The following CCDC18 variants were observed in gnomAD, a reference collection of about 807,000 sequenced individuals.
CCDC18 encodes coiled-coil domain containing 18.
Under a neutral mutation model 196.0 loss-of-function variants are expected in CCDC18, and 157 were observed. The observed-to-expected ratio is 0.80, with a 90% CI of 0.70 to 0.91. The LOEUF (loss-of-function observed/expected upper bound fraction) is 0.91, where lower values mean the gene tolerates loss of function less well. CCDC18 is among the 40% of genes least tolerant of loss of function. CCDC18 has a pLI of 0.00. For synonymous variants in CCDC18, 482 were observed against 529.2 expected (o/e 0.91, Z 1.22); for missense variants, 1,465 against 1,611.6 (o/e 0.91, Z 1.56).
chr1:93,214,029 C>T (rs545814869), intron 11 of CCDC18, among the ~76,000 whole-genome samples: 12 of 152,228 alleles, frequency 7.9e-5, no homozygotes, highest in African/African-American at 2.6e-4. Context: ...GCTTACTTAC[C>T]TTGGAGTGGG....
At chr1:93,240,975 A>G (rs566219601) in intron 21 of CCDC18, among the ~76,000 whole-genome samples, 4 of 151,672 alleles carry the variant, frequency 2.6e-5, no homozygotes, top group Non-Finnish European at 2.9e-5. Flanking sequence ...ATATATATAT[A>G]TTTTTTTTCA....
At chr1:93,244,234 TCA>T (rs1429257858) in intron 21 of CCDC18, among the ~76,000 whole-genome samples, 5 of 152,184 alleles carry the variant, frequency 3.3e-5, no homozygotes. Context: ...TGAGACTTAT[TCA>T]CTGTCACAAG....
chr1:93,234,791 G>GTTTTGTT (rs1553178176), intron 18 of CCDC18, among the ~76,000 whole-genome samples: 2 of 151,194 alleles, frequency 1.3e-5, no homozygotes, highest in African/African-American at 4.9e-5. Context: ...TTCTTGTTTT[G>GTTTTGTT]TTTTGTTTTG....
At chr1:93,273,428 T>C (rs555147240) in intron 28 of CCDC18, 71 of 152,326 alleles carry the variant, frequency 4.7e-4, no homozygotes, top group African/African-American at 1.7e-3. Flanking sequence ...CACAGTAAGA[T>C]ATTGGATATT....
At chr1:93,183,146 A>C (rs191572790) in intron 1 of CCDC18, among the ~76,000 whole-genome samples, 1 of 152,272 alleles carries the variant, frequency 6.6e-6, no homozygotes, top group East Asian at 1.9e-4. Flanking sequence ...AAAATGAAAA[A>C]TTCATTCATT....
chr1:93,197,256 A>G (rs1652873710), intron 6 of CCDC18, among the ~76,000 whole-genome samples: 1 of 152,188 alleles, frequency 6.6e-6, no homozygotes, highest in Admixed American at 6.5e-5. Context: ...GGTTATTTTC[A>G]CAATGAACAA....
chr1:93,254,450 G>T (rs2101059527), intron 23 of CCDC18, 21 bp from the exon 24 acceptor site: 1 of 1,517,180 alleles, frequency 6.6e-7, no homozygotes, highest in South Asian at 1.2e-5. Context: ...TACTGATACT[G>T]CTTATCTGTT....
Position 93,217,801 on chromosome 1 carries a change from T to G in CCDC18, c.1894T>G (p.Leu632Val). The change falls in exon 14 of 29, where the codon TTA becomes GTA. Residue 632 changes from leucine (L) to valine (V), a missense_variant. Physicochemically the swap from Leu to Val is conservative, Grantham distance 32. Coordinates refer to ENST00000690025, the MANE Select transcript of CCDC18 (RefSeq NM_001378204.1). ...NINTEHEKICLAFEKAKKIHL... is the reference protein window; with the variant it reads ...NINTEHEKICVAFEKAKKIHL... ...TAATACAGAGCATGAGAAAATTTGTTTAGCCTTTGAAAAAGCAAAGAAAAT... is the reference window on the plus strand; with the variant it reads ...TAATACAGAGCATGAGAAAATTTGTGTAGCCTTTGAAAAAGCAAAGAAAAT... 1 of 1,611,918 alleles carries G rather than the reference T, an allele frequency of 6.2e-7. No homozygotes were observed. Among genetic ancestry groups the G allele is most frequent in the South Asian group, 1.1e-5 (1 of 91,028 alleles).
intron 4 of CCDC18, chr1:93,190,850 C>T: frequency 1.4e-6 from 1 of 725,446 alleles, no homozygotes; most frequent in Non-Finnish European, 2.5e-6. Flanking sequence ...TCAGTGCACT[C>T]AAGCCTTAGC....
intron 4 of CCDC18, chr1:93,190,899 C>T: frequency 1.3e-6 from 1 of 741,398 alleles, no homozygotes; most frequent in Non-Finnish European, 2.4e-6. Flanking sequence ...TCTGGAAAAT[C>T]TACTTAGTCT....
At chr1:93,212,970 G>A (rs1208538866) in intron 11 of CCDC18, among the ~76,000 whole-genome samples, 2 of 152,162 alleles carry the variant, frequency 1.3e-5, no homozygotes, top group Non-Finnish European at 2.9e-5. Context: ...GGCAGACAGT[G>A]ACAGATCATC....
In CCDC18 at chr1:93,221,934, A is replaced by G; in HGVS notation, c.2173A>G (p.Lys725Glu). The G allele has an allele frequency of 2.6e-6, 4 of 1,566,696 alleles. No individual in the cohort carries two copies. Among genetic ancestry groups the G allele is most frequent in the Non-Finnish European group, 3.5e-6 (4 of 1,149,144 alleles). The change falls in exon 16 of 29, where the codon AAG (lysine) becomes GAG (glutamate). Residue 725 changes from lysine to glutamate, a missense_variant and splice_region_variant. Transcript: ENST00000690025. The part of the protein sequence containing the change: ...LQNQVSEETI[K>E]VRQLDSALEI... ...GAACCAAGTATCTGAAGAAACAATC[A>G]AGGCTAGTATGCTAATACTTTATTT... is the stretch of plus-strand genomic sequence containing the variant.
chr1:93,212,024 A>C (rs1655730188), intron 10 of CCDC18, 77 bp from the exon 11 acceptor site: 3 of 1,248,558 alleles, frequency 2.4e-6, no homozygotes, highest in Non-Finnish European at 3.4e-6. Flanking sequence ...ATCAACTTGA[A>C]AGGTGAAAAA....
At chr1:93,215,127 C>A (rs567482530) in intron 12 of CCDC18, among the ~76,000 whole-genome samples, 161 bp downstream of exon 12, 121 of 152,086 alleles carry the variant, frequency 8.0e-4, no homozygotes, top group Non-Finnish European at 1.6e-3. Flanking sequence ...TATTTGGAAA[C>A]CTTTGTATTT....
At chr1:93,187,228 C>T (rs7517363) in intron 4 of CCDC18, among the ~76,000 whole-genome samples, 75,052 of 151,602 alleles carry the variant, frequency 0.5, 22,185 homozygotes, top group South Asian at 0.68. Flanking sequence ...GGCAAATATA[C>T]TAGTACTAAG....
upstream of CCDC18, chr1:93,180,212 CGGGGAA>C: frequency 6.2e-7 from 1 of 1,612,608 alleles, no homozygotes; most frequent in Non-Finnish European, 8.5e-7. Flanking sequence ...AGAAGGAGCA[CGGGGAA>C]GGGCAGCCAG....
chr1:93,190,709 A>C, intron 4 of CCDC18: 1 of 374,582 alleles, frequency 2.7e-6, no homozygotes. Context: ...TCAAGATTTT[A>C]TTGTCTTCAT....
At chr1:93,247,902 T>TA (rs1348531142) in intron 23 of CCDC18, among the ~76,000 whole-genome samples, 2 of 152,116 alleles carry the variant, frequency 1.3e-5, no homozygotes, top group Non-Finnish European at 2.9e-5. Flanking sequence ...AAAGTGGGCA[T>TA]ACTTGTCTTG....
At chr1:93,190,418 C>T (rs1001569305) in intron 4 of CCDC18, among the ~76,000 whole-genome samples, 3 of 152,106 alleles carry the variant, frequency 2.0e-5, no homozygotes, top group Admixed American at 6.5e-5. Context: ...AACCCAGAGG[C>T]GGAGGTTGCA....
Sources: allele counts gnomAD v4.1 joint callset (sites outside exome capture counted in the v4.1 genomes callset), GRCh38; gene constraint gnomAD v4.1.1; transcripts MANE v1.5; gene names NCBI Gene and HGNC (gene_info 2026-07-23, HGNC 2026-07-21).